LARP4B: variants seen among roughly 807,000 people sequenced by gnomAD.
LARP4B encodes the protein La ribonucleoprotein 4B.
LARP4B carries 12 observed loss-of-function variants against 89.8 expected under a neutral mutation model. The observed-to-expected ratio is 0.13, with a 90% CI of 0.09 to 0.22. The LOEUF (loss-of-function observed/expected upper bound fraction) is 0.22, where lower values mean the gene tolerates loss of function less well. Ranked by LOEUF, LARP4B falls within the 10% of genes least tolerant of loss-of-function variation. LARP4B has a pLI of 1.00. For synonymous variants in LARP4B, 367 were observed against 363.3 expected (o/e 1.01, Z -0.12); for missense variants, 757 against 947.7 (o/e 0.80, Z 2.64).
chr10:829,854 A>G lies in LARP4B; in HGVS notation c.862-120T>C, dbSNP rs552002425. 14 of 712,652 alleles carry G rather than the reference A, an allele frequency of 2.0e-5. No individual in the cohort carries two copies. In the African/African-American group the frequency reaches 2.5e-4, roughly 13 times the overall value. The allele number at this position is 712,652 out of a possible 1,614,324, so 44.1% of individuals were successfully genotyped here. A position where few individuals can be genotyped will look rare whatever the true frequency, so the allele number is the denominator to read the frequency against. On this transcript the variant is annotated intron_variant, in intron 9 of 17. Transcript: ENST00000316157. ...AATTAAATTATGGTGAACAGAACCT[A>G]GAATAATGATTCTTGACACTCCCTG...
chr10:987,113 G>A, the LARP4B span: 1 of 148,844 alleles, frequency 6.7e-6, no homozygotes, highest in Non-Finnish European at 1.5e-5. Flanking sequence ...CAATAAGTAT[G>A]AGCATAGCTT....
chr10:852,038 C>T (rs1473849326), intron 5 of LARP4B, among the ~76,000 whole-genome samples: 2 of 152,030 alleles, frequency 1.3e-5, no homozygotes, highest in African/African-American at 4.8e-5. Flanking sequence ...GCACTCAAGC[C>T]TGGGTGGCAG....
intron 11 of LARP4B, 131 bp downstream of exon 11, chr10:829,254 A>G (rs1174640293): frequency 1.2e-5 from 9 of 764,238 alleles, no homozygotes; most frequent in South Asian, 4.1e-5. Flanking sequence ...AATCCCCCAC[A>G]TAACTTGAAG....
At chr10:941,307 T>TTTTGTTTGTTTGTTTG in the LARP4B span, among the ~76,000 whole-genome samples, 88 of 151,734 alleles carry the variant, frequency 5.8e-4, no homozygotes, top group Admixed American at 1.3e-3. Flanking sequence ...GCTTACTTTG[T>TTTTGTTTGTTTGTTTG]TTTGTTTGTT....
At chr10:945,689 GAA>G in the LARP4B span, among the ~76,000 whole-genome samples, 1 of 142,614 alleles carries the variant, frequency 7.0e-6, no homozygotes, top group Non-Finnish European at 1.5e-5. Flanking sequence ...CTCCGTCTCA[GAA>G]AAAAAAAAAA....
chr10:842,433 T>C (rs914808034), intron 7 of LARP4B, among the ~76,000 whole-genome samples: 1 of 152,078 alleles, frequency 6.6e-6, no homozygotes, highest in Admixed American at 6.6e-5. Context: ...CCTGACCTCA[T>C]GATCCGCCCA....
intron 5 of LARP4B, among the ~76,000 whole-genome samples, chr10:861,263 G>A (rs76980612): frequency 0.022 from 3,331 of 152,274 alleles, 137 homozygotes; most frequent in African/African-American, 0.075. Context: ...GGATTTTACA[G>A]GTACAGAACA....
chr10:900,416 A>AGGCC (rs1836304862), intron 1 of LARP4B, among the ~76,000 whole-genome samples: 1 of 79,472 alleles, frequency 1.3e-5, no homozygotes, highest in Non-Finnish European at 2.3e-5. Context: ...GGAAAGAAGG[A>AGGCC]TGTCTTTTTT....
intron 13 of LARP4B, among the ~76,000 whole-genome samples, chr10:824,237 A>G (rs1450206303): frequency 6.6e-6 from 1 of 152,200 alleles, no homozygotes; most frequent in Non-Finnish European, 1.5e-5. Flanking sequence ...TCATGCCTGT[A>G]ATCCCACCAC....
At chr10:977,894 G>C in the LARP4B span, among the ~76,000 whole-genome samples, 1 of 152,096 alleles carries the variant, frequency 6.6e-6, no homozygotes, top group African/African-American at 2.4e-5. Flanking sequence ...GAAAGGCAAG[G>C]GTGGACTGAG....
At chr10:908,528 C>T (rs900747222) in intron 1 of LARP4B, among the ~76,000 whole-genome samples, 1 of 149,886 alleles carries the variant, frequency 6.7e-6, no homozygotes, top group Admixed American at 6.7e-5. Flanking sequence ...TAGGGATGAG[C>T]CCTCATTCTG....
At chr10:865,613 G>A (rs758166747) in intron 3 of LARP4B, among the ~76,000 whole-genome samples, 56 of 152,074 alleles carry the variant, frequency 3.7e-4, no homozygotes, top group Non-Finnish European at 6.9e-4. Context: ...CTGACACAGC[G>A]AATAAACCCA....
In LARP4B at chr10:830,972, T is replaced by C. The variant is rs937493623; in HGVS notation, c.756A>G (p.Val252=). Reference sequence around the variant, plus strand: ...AATTATCTCCTTTAAATAGTGCTTCTACTTCCTACAGGAAATAGAGATGTT... The same window carrying C: ...AATTATCTCCTTTAAATAGTGCTTCCACTTCCTACAGGAAATAGAGATGTT... ...EISESTPVEE[V]EALFKGDNLP... Residue 252 remains valine, a synonymous_variant, in exon 9 of 18, where the codon GTA becomes GTG. Transcript: ENST00000316157. 5.6e-6 allele frequency: 6 copies of C among 1,067,100 alleles called. No homozygotes were observed. The highest frequency in any genetic ancestry group is 8.6e-6 in the Non-Finnish European group (6 of 697,324). The allele number at this position is 1,067,100 out of a possible 1,614,324, so 66.1% of individuals were successfully genotyped here.
At chr10:945,457 C>T in the LARP4B span, among the ~76,000 whole-genome samples, 160 of 151,282 alleles carry the variant, frequency 1.1e-3, no homozygotes, top group Middle Eastern at 3.4e-3. Flanking sequence ...GAGGCCAAGG[C>T]GGGTGGATCA....
intron 6 of LARP4B, among the ~76,000 whole-genome samples, chr10:843,906 A>G (rs1417126072): frequency 6.6e-6 from 1 of 152,202 alleles, no homozygotes; most frequent in Non-Finnish European, 1.5e-5. Flanking sequence ...CAAAATCCAA[A>G]GGTGAGCCAC....
Position 820,820 on chromosome 10 carries a change from T to C in LARP4B, c.1510A>G (p.Lys504Glu). Residue 504 changes from lysine (K) to glutamate (E), a missense_variant, in exon 14 of 18, where the codon AAA becomes GAA. This residue lies in a region of LARP4B where 387 missense variants were observed against 423.6 expected (regional missense o/e 0.91). Coordinates refer to ENST00000316157, the MANE Select transcript of LARP4B (RefSeq NM_015155.3). ...CTCACTGTAAACTTCTCCTCCCTTT[T>C]CTTCCGGTAGCCAAAGGAATTCTTC... is the stretch of plus-strand genomic sequence containing the variant. Reference protein sequence around the residue: ...GRKNSFGYRKKREEKFTSSQT... With the variant: ...GRKNSFGYRKEREEKFTSSQT... 2 of 1,613,812 alleles carry C rather than the reference T, an allele frequency of 1.2e-6. No homozygotes were observed. Among genetic ancestry groups the C allele is most frequent in the Non-Finnish European group, 1.7e-6 (2 of 1,179,722 alleles).
intron 8 of LARP4B, among the ~76,000 whole-genome samples, chr10:833,607 T>C (rs1270269257): frequency 1.3e-5 from 2 of 152,038 alleles, no homozygotes; most frequent in South Asian, 2.1e-4. Flanking sequence ...AAGACAGAAA[T>C]TGGGCCCGGT....
intron 1 of LARP4B, among the ~76,000 whole-genome samples, chr10:888,334 AAAC>A (rs1173981454): frequency 7.0e-6 from 1 of 143,174 alleles, no homozygotes; most frequent in Non-Finnish European, 1.6e-5. Context: ...ACAAACAAAC[AAAC>A]AAAAAAAAAA....
the LARP4B span, chr10:972,512 C>G: frequency 6.6e-6 from 3 of 456,852 alleles, no homozygotes; most frequent in Non-Finnish European, 1.3e-5. Flanking sequence ...AGAGGGGTGA[C>G]AGGTTCCAAA....
Sources: gnomAD v4.1 joint callset for allele counts (sites outside exome capture counted in the v4.1 genomes callset) on GRCh38, gnomAD v4.1.1 for gene constraint, gnomAD v4.1.1 regional missense constraint, MANE v1.5 for transcripts, NCBI Gene and HGNC (gene_info 2026-07-23, HGNC 2026-07-21) for gene names.